The following GRM3 variants were observed in gnomAD, a reference collection of about 807,000 sequenced individuals.
GRM3 encodes the protein glutamate metabotropic receptor 3.
GRM3 carries 26 observed loss-of-function variants against 70.5 expected under a neutral mutation model. The observed-to-expected ratio is 0.37, with a 90% confidence interval of 0.27 to 0.51. The LOEUF is 0.51. GRM3 is among the 20% of genes least tolerant of loss of function. The probability of loss-of-function intolerance (pLI) is 0.93; values close to 1 mark genes in which losing one functional copy is unlikely to be tolerated. For synonymous variants in GRM3, 443 were observed against 434.9 expected (o/e 1.02, Z -0.23); for missense variants, 859 against 1,123.8 (o/e 0.76, Z 3.37).
Position 86,784,047 on chromosome 7 carries a change from C to T in GRM3, c.469-2214C>T, listed in dbSNP as rs17160991. 7.1e-3 allele frequency among the ~76,000 whole-genome samples: 1,088 copies of T among 152,254 alleles called. 11 individuals are homozygous for T. Among genetic ancestry groups the T allele is most frequent in the African/African-American group, 0.025 (1,041 of 41,550 alleles). ...GTTTTATTCTAGCCCACAGCCTTCC[C>T]CAAAGTTACAGCTCATTGTGCCCCT... On this transcript the variant is annotated intron_variant, in intron 2 of 5. Coordinates refer to ENST00000361669, the MANE Select transcript of GRM3 (RefSeq NM_000840.3).
intron 1 of GRM3, among the ~76,000 whole-genome samples, chr7:86,645,818 A>G (rs1405911893): frequency 6.6e-6 from 1 of 151,956 alleles, no homozygotes; most frequent in Non-Finnish European, 1.5e-5. Flanking sequence ...ATAGTAATAG[A>G]TATGTTTGGG....
Position 86,786,500 on chromosome 7 carries a change from G to A in GRM3, c.708G>A (p.Leu236=), listed in dbSNP as rs762149780. The change falls in exon 3 of 6, where the codon CTG becomes CTA. Residue 236 remains leucine (L), a synonymous_variant. Transcript: ENST00000361669. This position sits in a 1 kb window ranked among gnomAD's most constrained non-coding sequence, Gnocchi z 6.0. Reference sequence around the variant, plus strand: ...AGGCCTTCGAGCAGGAAGCCCGCCTGCGCAACATCTGCATCGCTACGGCGG... The same window carrying A: ...AGGCCTTCGAGCAGGAAGCCCGCCTACGCAACATCTGCATCGCTACGGCGG... ...GIEAFEQEAR[L]RNICIATAEK... 6.2e-7 allele frequency: 1 copy of A among 1,614,232 alleles called. No individual in the cohort carries two copies.
At chr7:86,731,766 C>T (rs1795740370) in intron 1 of GRM3, among the ~76,000 whole-genome samples, 1 of 152,146 alleles carries the variant, frequency 6.6e-6, no homozygotes, top group African/African-American at 2.4e-5. Context: ...TATTCAGCTG[C>T]CCCATGAGGA....
chr7:86,717,972 T>C (rs1018057283), intron 1 of GRM3, among the ~76,000 whole-genome samples: 1 of 151,778 alleles, frequency 6.6e-6, no homozygotes, highest in Non-Finnish European at 1.5e-5. Context: ...ACTAAGGGTA[T>C]TTTATTGATG....
intron 2 of GRM3, among the ~76,000 whole-genome samples, chr7:86,784,922 A>G (rs1301253987): frequency 1.3e-5 from 2 of 152,220 alleles, no homozygotes; most frequent in African/African-American, 2.4e-5. Flanking sequence ...ATCCAAGAAC[A>G]TGCTGTGTAG....
chr7:86,745,594 C>A (rs1240970639), intron 1 of GRM3, among the ~76,000 whole-genome samples: 1 of 152,062 alleles, frequency 6.6e-6, no homozygotes, highest in Non-Finnish European at 1.5e-5. Context: ...TGACTTCCTG[C>A]AGAGCTTCTC....
chr7:86,840,979 C>G (rs75766954), intron 4 of GRM3, among the ~76,000 whole-genome samples: 5,549 of 152,114 alleles, frequency 0.036, 336 homozygotes, highest in African/African-American at 0.13. Flanking sequence ...AACATGGTGA[C>G]TACATTGTAT....
At chr7:86,812,434 G>C (rs1235798416) in intron 3 of GRM3, among the ~76,000 whole-genome samples, 2 of 151,744 alleles carry the variant, frequency 1.3e-5, no homozygotes, top group African/African-American at 2.4e-5. Context: ...AGAGTATGTG[G>C]CTACAGAATC....
chr7:86,768,247 C>T (rs974949373), intron 2 of GRM3, among the ~76,000 whole-genome samples: 2 of 152,094 alleles, frequency 1.3e-5, no homozygotes, highest in African/African-American at 4.8e-5. Flanking sequence ...AAATGGTAAC[C>T]TTATGTCCCT....
intron 1 of GRM3, among the ~76,000 whole-genome samples, chr7:86,654,909 A>G (rs912114770): frequency 1.3e-5 from 2 of 151,374 alleles, no homozygotes; most frequent in Admixed American, 1.3e-4. Flanking sequence ...GACAATAAAC[A>G]AGAGAACAAA....
chr7:86,788,516 T>C (rs2116560019), intron 3 of GRM3, among the ~76,000 whole-genome samples: 1 of 152,346 alleles, frequency 6.6e-6, no homozygotes, highest in South Asian at 2.1e-4. Flanking sequence ...TGGTAAAGAT[T>C]AAACTTTTTC....
At chr7:86,717,807 ATC>A (rs1795356123) in intron 1 of GRM3, among the ~76,000 whole-genome samples, 1 of 151,996 alleles carries the variant, frequency 6.6e-6, no homozygotes, top group Non-Finnish European at 1.5e-5. Context: ...GAACAGGTAA[ATC>A]TCTGCAGCAC....
At chr7:86,808,494 C>T (rs1797843811) in intron 3 of GRM3, among the ~76,000 whole-genome samples, 1 of 149,006 alleles carries the variant, frequency 6.7e-6, no homozygotes, top group African/African-American at 2.6e-5. Context: ...TTTTTTTTTC[C>T]CCCACAAATA....
At chr7:86,705,693 G>A (rs1795041502) in intron 1 of GRM3, among the ~76,000 whole-genome samples, 1 of 151,932 alleles carries the variant, frequency 6.6e-6, no homozygotes, top group Non-Finnish European at 1.5e-5. Context: ...ATCAAATGCT[G>A]CAAACAAAAA....
intron 3 of GRM3, among the ~76,000 whole-genome samples, chr7:86,813,821 G>C (rs1397209963): frequency 6.6e-6 from 1 of 151,696 alleles, no homozygotes; most frequent in Non-Finnish European, 1.5e-5. Flanking sequence ...CCTCCCAAGA[G>C]AGGTGACATT....
intron 3 of GRM3, among the ~76,000 whole-genome samples, chr7:86,823,582 A>ATTTTTTT (rs35792615): frequency 2.3e-5 from 1 of 43,126 alleles, no homozygotes. Flanking sequence ...TGTGTGAGGT[A>ATTTTTTT]TTTTTTTTTT....
At chr7:86,835,147 CAG>C (rs763601925) in intron 3 of GRM3, among the ~76,000 whole-genome samples, 2 of 151,884 alleles carry the variant, frequency 1.3e-5, no homozygotes, top group Non-Finnish European at 2.9e-5. Flanking sequence ...ATTTGGGTAT[CAG>C]GGGATTTAAT....
intron 1 of GRM3, among the ~76,000 whole-genome samples, chr7:86,671,817 T>C (rs558327576): frequency 6.6e-6 from 1 of 152,338 alleles, no homozygotes; most frequent in South Asian, 2.1e-4. Context: ...TCCTGAATTA[T>C]CTGAACCATA....
intron 1 of GRM3, among the ~76,000 whole-genome samples, chr7:86,673,441 A>G (rs1405781858): frequency 1.3e-5 from 2 of 152,046 alleles, no homozygotes; most frequent in East Asian, 3.9e-4. Flanking sequence ...GCAGTTTCCT[A>G]TCTAATGCCT....
Sources: allele counts gnomAD v4.1 joint callset (sites outside exome capture counted in the v4.1 genomes callset), GRCh38; gene constraint gnomAD v4.1.1; non-coding constraint Gnocchi (gnomAD v3.1); transcripts MANE v1.5; gene names NCBI Gene and HGNC (gene_info 2026-07-23, HGNC 2026-07-21).